DCLK1: variants seen among roughly 807,000 people sequenced by gnomAD.
DCLK1 encodes serine/threonine-protein kinase DCLK1.
A neutral mutation model predicts 86.2 loss-of-function variants in DCLK1; 16 were observed. The ratio of observed to expected loss-of-function variants is 0.19; its 90% CI spans 0.13 to 0.28. DCLK1 has a LOEUF of 0.28. Among genes scored for constraint, DCLK1 ranks in the 10% least tolerant of loss-of-function variants. The pLI, the probability that DCLK1 is intolerant of heterozygous loss-of-function variation, is 1.00. For synonymous variants in DCLK1, 369 were observed against 370.5 expected (o/e 1.00, Z 0.05); for missense variants, 590 against 940.2 (o/e 0.63, Z 4.87).
In DCLK1 at chr13:35,794,576, T is replaced by C. The variant is rs527500222; in HGVS notation, c.1945-1097A>G. The stretch of plus-strand genomic sequence containing the variant: ...AGCATTTGGGCATTCACTTATTCAA[T>C]GGACATTAACTGCATGCCTACATGG... On this transcript the variant is annotated intron_variant, in intron 15 of 16. Coordinates refer to ENST00000360631, the MANE Select transcript of DCLK1 (RefSeq NM_001330071.2). Among the ~76,000 whole-genome samples, 3 of 152,352 alleles carry C rather than the reference T, an allele frequency of 2.0e-5. No homozygotes were observed. The East Asian group carries it at 5.8e-4, about 29-fold the overall frequency.
intron 4 of DCLK1, among the ~76,000 whole-genome samples, chr13:35,911,318 A>T (rs1380162288): frequency 6.6e-6 from 1 of 151,372 alleles, no homozygotes; most frequent in Non-Finnish European, 1.5e-5. Context: ...GAACTGTTAA[A>T]TTTTACCACC....
chr13:36,095,187 T>TTTTTTTTTG (rs1884966729), intron 3 of DCLK1, among the ~76,000 whole-genome samples: 1 of 115,850 alleles, frequency 8.6e-6, no homozygotes, highest in African/African-American at 4.1e-5. Flanking sequence ...TTTTTTTTTG[T>TTTTTTTTTG]TTTTTTTGTT....
intron 3 of DCLK1, among the ~76,000 whole-genome samples, chr13:36,090,018 C>T (rs1884759313): frequency 1.3e-5 from 2 of 152,190 alleles, no homozygotes; most frequent in African/African-American, 4.8e-5. Flanking sequence ...AGGTTAATAA[C>T]CTAGCACTAT....
At chr13:36,043,439 C>T (rs1290553263) in intron 3 of DCLK1, among the ~76,000 whole-genome samples, 3 of 151,832 alleles carry the variant, frequency 2.0e-5, no homozygotes, top group African/African-American at 4.8e-5. Flanking sequence ...CAACATCTGA[C>T]TTATACAAGT....
At chr13:35,956,653 T>C (rs781036740) in intron 3 of DCLK1, among the ~76,000 whole-genome samples, 131 of 152,268 alleles carry the variant, frequency 8.6e-4, no homozygotes, top group Non-Finnish European at 1.6e-3. Flanking sequence ...ATAGCAGGAG[T>C]CATAAACACA....
chr13:35,907,844 A>AG (rs1373615284), intron 4 of DCLK1, among the ~76,000 whole-genome samples: 3 of 151,276 alleles, frequency 2.0e-5, no homozygotes, highest in Non-Finnish European at 2.9e-5. Flanking sequence ...AAAACTTTAA[A>AG]AAAAAAAAAA....
Position 35,855,742 on chromosome 13 carries a change from G to A in DCLK1, c.941-1149C>T, listed in dbSNP as rs888074055. On this transcript the variant is annotated intron_variant, in intron 5 of 16. Coordinates refer to ENST00000360631, the MANE Select transcript of DCLK1 (RefSeq NM_001330071.2). ...AGCAGCAGTGGGAGGTGCAGGTTCT[G>A]TCTTAGGCTACATCAAAGGTGTCAA... 1.4e-5 allele frequency: 19 copies of A among 1,331,694 alleles called. No homozygotes were observed. The African/African-American group carries it at 2.8e-4, about 19-fold the overall frequency. 82.5% of individuals were successfully genotyped at this position (1,331,694 alleles called of 1,614,324 possible).
chr13:36,073,956 T>A (rs1032330930), intron 3 of DCLK1, among the ~76,000 whole-genome samples: 2 of 152,220 alleles, frequency 1.3e-5, no homozygotes, highest in African/African-American at 4.8e-5. Flanking sequence ...CTATAATATC[T>A]GTTGTATGCC....
chr13:36,023,603 G>C (rs1593826413), intron 3 of DCLK1, among the ~76,000 whole-genome samples: 1 of 152,120 alleles, frequency 6.6e-6, no homozygotes, highest in South Asian at 2.1e-4. Context: ...GACATGGAAA[G>C]TTGGCCATCA....
chr13:35,849,577 T>G (rs754599781), intron 6 of DCLK1: 7 of 977,992 alleles, frequency 7.2e-6, no homozygotes, highest in Non-Finnish European at 7.3e-6. Flanking sequence ...TTTAAAATCA[T>G]TATTTTATGT....
At position 35,774,295 on chromosome 13, in the gene DCLK1, C is replaced by A; in HGVS notation, c.*240G>T. On this transcript the variant is annotated 3_prime_UTR_variant, in exon 17 of 17. Transcript: ENST00000360631. ...TGCTTCTAAGTTTAAAAAAAAATTG[C>A]AAATTGGCCTTAACCCTTTGAGGAC... 1 of 456,158 alleles carries A rather than the reference C, an allele frequency of 2.2e-6. No homozygotes were observed. Among genetic ancestry groups the A allele is most frequent in the Non-Finnish European group, 3.8e-6 (1 of 261,088 alleles). 28.3% of individuals were successfully genotyped at this position (456,158 alleles called of 1,614,324 possible). A position where few individuals can be genotyped will look rare whatever the true frequency, so the allele number is the denominator to read the frequency against.
intron 3 of DCLK1, among the ~76,000 whole-genome samples, chr13:36,109,138 T>C (rs2138184056): frequency 6.6e-6 from 1 of 152,334 alleles, no homozygotes; most frequent in Non-Finnish European, 1.5e-5. Context: ...TTATGTTCTT[T>C]CCACTTTATC....
chr13:35,891,275 G>C (rs888655803), intron 4 of DCLK1, among the ~76,000 whole-genome samples: 7 of 152,062 alleles, frequency 4.6e-5, no homozygotes, highest in Admixed American at 1.3e-4. Flanking sequence ...AAAAAAAACA[G>C]TTGACAGAGA....
chr13:35,832,949 T>C (rs1234360521), intron 8 of DCLK1, among the ~76,000 whole-genome samples: 1 of 152,214 alleles, frequency 6.6e-6, no homozygotes, highest in Non-Finnish European at 1.5e-5. Flanking sequence ...ATGGAAATGC[T>C]TTCAAACTAT....
intron 16 of DCLK1, among the ~76,000 whole-genome samples, chr13:35,791,470 G>C (rs2153099269): frequency 6.6e-6 from 1 of 151,256 alleles, no homozygotes; most frequent in South Asian, 2.1e-4. Context: ...ATGACATTTA[G>C]GAAAAAAAAA....
At position 35,967,842 on chromosome 13, in the gene DCLK1, A is replaced by T. The variant is rs183951712; in HGVS notation, c.724-20385T>A. Among the ~76,000 whole-genome samples the T allele has an allele frequency of 6.8e-3, 988 of 146,082 alleles. 15 individuals are homozygous for T. Among genetic ancestry groups the T allele is most frequent in the African/African-American group, 0.022 (903 of 40,482 alleles). On this transcript the variant is annotated intron_variant, in intron 3 of 16. Transcript: ENST00000360631. ...GATCAATAAATACTAAAAAAAATTTAAAAAAAAAAGTAAAAAATAAAAATA... is the reference window on the plus strand; with the variant it reads ...GATCAATAAATACTAAAAAAAATTTTAAAAAAAAAGTAAAAAATAAAAATA...
intron 2 of DCLK1, among the ~76,000 whole-genome samples, chr13:36,120,411 T>A (rs1308123120): frequency 1.3e-5 from 2 of 152,200 alleles, no homozygotes; most frequent in Non-Finnish European, 2.9e-5. Context: ...TGTGTTATAA[T>A]TGTCTACAGT....
At chr13:35,781,458 C>T (rs1330205293) in intron 16 of DCLK1, among the ~76,000 whole-genome samples, 8 of 152,150 alleles carry the variant, frequency 5.3e-5, no homozygotes, top group Admixed American at 4.6e-4. Flanking sequence ...ATGTTTTTCT[C>T]TTAGCAAACA....
At chr13:35,960,850 T>G (rs1413448920) in intron 3 of DCLK1, among the ~76,000 whole-genome samples, 1 of 152,244 alleles carries the variant, frequency 6.6e-6, no homozygotes, top group African/African-American at 2.4e-5. Context: ...ACATGATTCT[T>G]TTTTTCTTCT....
Sources: allele counts gnomAD v4.1 joint callset (sites outside exome capture counted in the v4.1 genomes callset), GRCh38; gene constraint gnomAD v4.1.1; transcripts MANE v1.5; gene names NCBI Gene and HGNC (gene_info 2026-07-23, HGNC 2026-07-21).